RBM33: variants seen among roughly 807,000 people sequenced by gnomAD.
RBM33 encodes the protein RNA-binding protein 33.
RBM33 carries 28 observed loss-of-function variants against 132.6 expected under a neutral mutation model. The ratio of observed to expected loss-of-function variants is 0.21; its 90% CI spans 0.16 to 0.29. The LOEUF (loss-of-function observed/expected upper bound fraction) is 0.29. Ranked by LOEUF, RBM33 falls within the 10% of genes least tolerant of loss-of-function variation. The pLI is 1.00. For missense variants in RBM33, 1,291 were observed against 1,518.5 expected, an observed-to-expected ratio of 0.85 and a Z score of 2.49; for synonymous variants, 634 against 593.0, an observed-to-expected ratio of 1.07 and a Z score of -1.01.
chr7:155,647,072 C>A (rs1481492626), intron 1 of RBM33, among the ~76,000 whole-genome samples: 1 of 152,184 alleles, frequency 6.6e-6, no homozygotes, highest in African/African-American at 2.4e-5. Context: ...GCTTATTTGG[C>A]AGCTCAGTTT....
rs539877142 is a variant in RBM33 at position 155,745,128 on chromosome 7, C to T, written c.2505C>T (p.Tyr835=). The T allele has an allele frequency of 2.6e-5, 42 of 1,600,198 alleles. No homozygotes were observed. The Middle Eastern group carries it at 5.0e-4, about 19-fold the overall frequency. Residue 835 remains tyrosine (Y), a synonymous_variant, in exon 14 of 18, where the codon TAC becomes TAT. Transcript: ENST00000401878. This position sits in a 1 kb window ranked among gnomAD's most constrained non-coding sequence, Gnocchi z 4.1. ...ERLAQQQQQL[Y]APPPPAEQEE... is the part of the protein sequence containing the mutation. The stretch of plus-strand genomic sequence containing the variant: ...TCGCGCAGCAACAGCAGCAGCTGTA[C>T]GCTCCCCCACCCCCAGCAGAGCAGG...
intron 5 of RBM33, among the ~76,000 whole-genome samples, chr7:155,684,670 T>A (rs1040159322): frequency 6.6e-6 from 1 of 152,180 alleles, no homozygotes; most frequent in African/African-American, 2.4e-5. Context: ...GCAGAGGAGC[T>A]GTGTGACAGG....
rs754265858 is a variant in RBM33, at chr7:155,763,952, GCCCCACGCA to G, written c.3122_3130del (p.Pro1041_Ala1043del). ...AGCAGCCCCCACATCTGCCAGCGGGGCCCCACGCACACTCGCCTGTCCCTCCAGGGATCA... is the reference window on the plus strand; with the variant it reads ...AGCAGCCCCCACATCTGCCAGCGGGGCACTCGCCTGTCCCTCCAGGGATCA... On this transcript the variant is annotated inframe_deletion, in exon 15 of 18. Coordinates refer to ENST00000401878, the MANE Select transcript of RBM33 (RefSeq NM_053043.3). 2.7e-5 allele frequency: 43 copies of G among 1,598,718 alleles called. No individual in the cohort carries two copies. Among genetic ancestry groups the G allele is most frequent in the Admixed American group, 6.9e-5 (4 of 57,776 alleles).
rs1255770910 is a variant in RBM33, at chr7:155,700,662, A to AT, written c.568-105dup. ...GCCTTTTAACAGGACATTTTGCAGT[A>AT]TTTTTTACATCTGAAATATAAACAA... On this transcript the variant is annotated intron_variant, in intron 5 of 17. Coordinates refer to ENST00000401878, the MANE Select transcript of RBM33 (RefSeq NM_053043.3). 19 of 748,722 alleles carry AT rather than the reference A, an allele frequency of 2.5e-5. 1 individual carries two copies. The South Asian group carries it at 2.9e-4, about 12-fold the overall frequency. The allele number at this position is 748,722 out of a possible 1,614,324, so 46.4% of individuals were successfully genotyped here.
chr7:155,680,489 C>T (rs1261799333), intron 4 of RBM33, 101 bp from the exon 5 acceptor site: 1 of 845,596 alleles, frequency 1.2e-6, no homozygotes, highest in Non-Finnish European at 1.8e-6. Context: ...AACTTTTTAT[C>T]AGTCATGGTT....
In RBM33 at chr7:155,779,583, T is replaced by C. The variant is rs1343582400; in HGVS notation, c.*4542T>C. 6.6e-6 allele frequency: 1 copy of C among 152,250 alleles called. No homozygotes were observed. Among genetic ancestry groups the C allele is most frequent in the Non-Finnish European group, 1.5e-5 (1 of 68,048 alleles). The allele number at this position is 152,250 out of a possible 1,614,324, so 9.4% of individuals were successfully genotyped here. ...GGTTTTTTTGCAACCTATTTAATTT[T>C]TTTTAAATGCCTAACTTCTGAGGTG... On this transcript the variant is annotated 3_prime_UTR_variant, in exon 18 of 18. Coordinates refer to ENST00000401878, the MANE Select transcript of RBM33 (RefSeq NM_053043.3).
chr7:155,738,938 T>A (rs909420259), intron 11 of RBM33: 2 of 155,622 alleles, frequency 1.3e-5, no homozygotes, highest in Non-Finnish European at 2.9e-5. Flanking sequence ...TGGGTTGACA[T>A]GCGTCTGTAA....
At chr7:155,683,812 C>A (rs1251966210) in intron 5 of RBM33, among the ~76,000 whole-genome samples, 2 of 152,080 alleles carry the variant, frequency 1.3e-5, no homozygotes, top group Non-Finnish European at 2.9e-5. Flanking sequence ...TTAAAGTTAA[C>A]ATAGATTAAG....
At chr7:155,720,700 A>G (rs955931825) in intron 9 of RBM33, among the ~76,000 whole-genome samples, 2 of 152,242 alleles carry the variant, frequency 1.3e-5, no homozygotes, top group African/African-American at 4.8e-5. Context: ...GTAAAATTTA[A>G]GAATAGTGAA....
rs1327881227 is a variant in RBM33, at chr7:155,780,407, A to G, written c.*5366A>G. 2 of 152,256 alleles carry G rather than the reference A, an allele frequency of 1.3e-5. No homozygotes were observed. The highest frequency in any genetic ancestry group is 3.8e-4 in the East Asian group (2 of 5,204). The allele number at this position is 152,256 out of a possible 1,614,324, so 9.4% of individuals were successfully genotyped here. ...CTGTTTAATTTTCAGGTACCACAGC[A>G]GCAAAGCACAGAGTGTGACCTTTTT... is the stretch of plus-strand genomic sequence containing the variant. On this transcript the variant is annotated 3_prime_UTR_variant, in exon 18 of 18. Coordinates refer to ENST00000401878, the MANE Select transcript of RBM33 (RefSeq NM_053043.3).
chr7:155,688,818 A>T (rs1381360134), intron 5 of RBM33, among the ~76,000 whole-genome samples: 1 of 152,198 alleles, frequency 6.6e-6, no homozygotes, highest in African/African-American at 2.4e-5. Flanking sequence ...CATCCCAGAG[A>T]TGAAGCCCAC....
chr7:155,684,421 C>T (rs546201062), intron 5 of RBM33, among the ~76,000 whole-genome samples: 1 of 152,126 alleles, frequency 6.6e-6, no homozygotes, highest in African/African-American at 2.4e-5. Context: ...GCTAATACGC[C>T]CCTTAAGTTT....
At chr7:155,768,703 G>T (rs901271501) in intron 16 of RBM33, among the ~76,000 whole-genome samples, 1 of 152,240 alleles carries the variant, frequency 6.6e-6, no homozygotes, top group African/African-American at 2.4e-5. Flanking sequence ...CGCAACCTCC[G>T]CCTCCCGGGT....
chr7:155,710,908 ATTT>A (rs34296454), intron 7 of RBM33, among the ~76,000 whole-genome samples: 1 of 139,920 alleles, frequency 7.1e-6, no homozygotes, highest in Non-Finnish European at 1.6e-5. Context: ...CCTGAACTGA[ATTT>A]TTTTTTTTTT....
chr7:155,680,896 A>G lies in RBM33; in HGVS notation c.555A>G (p.Leu185=). 1 of 1,613,078 alleles carries G rather than the reference A, an allele frequency of 6.2e-7. No homozygotes were observed. The highest frequency in any genetic ancestry group is 8.5e-7 in the Non-Finnish European group (1 of 1,179,364). Residue 185 remains leucine, a synonymous_variant, in exon 5 of 18, where the codon TTA becomes TTG. Transcript: ENST00000401878. ...TAGACATCGAGATCAATGAACCTTT[A>G]GATGAATTTACAGTGAGTCTTTTCT... ...EVLDIEINEP[L]DEFTGGMETL...
At chr7:155,677,269 G>C (rs2116918284) in intron 3 of RBM33, among the ~76,000 whole-genome samples, 1 of 150,794 alleles carries the variant, frequency 6.6e-6, no homozygotes, top group East Asian at 2.0e-4. Context: ...TCCCAGGCTG[G>C]AGTGCATTGG....
chr7:155,759,457 T>G (rs11766007), intron 14 of RBM33, among the ~76,000 whole-genome samples: 8,564 of 141,932 alleles, frequency 0.06, 397 homozygotes, highest in African/African-American at 0.14. Flanking sequence ...TCGCTCTGTC[T>G]CCCAGGCTGG....
At chr7:155,679,486 A>G (rs116120513) in intron 4 of RBM33, among the ~76,000 whole-genome samples, 7,085 of 102,080 alleles carry the variant, frequency 0.069, 165 homozygotes, top group Non-Finnish European at 0.087. Flanking sequence ...ATAGTAAGCT[A>G]TATTAAAAGA....
At chr7:155,665,384 T>C (rs940597297) in intron 2 of RBM33, 131 bp downstream of exon 2, 7 of 730,356 alleles carry the variant, frequency 9.6e-6, no homozygotes, top group Non-Finnish European at 1.4e-5. Flanking sequence ...GGGCTGTCCC[T>C]CCTGAGCTAA....
Sources: gnomAD v4.1 joint callset for allele counts (sites outside exome capture counted in the v4.1 genomes callset) on GRCh38, gnomAD v4.1.1 for gene constraint, Gnocchi (gnomAD v3.1) non-coding constraint, MANE v1.5 for transcripts, NCBI Gene and HGNC (gene_info 2026-07-23, HGNC 2026-07-21) for gene names.